The following SKI variants were observed in gnomAD, a reference collection of about 807,000 sequenced individuals.
SKI encodes ski oncogene.
In SKI, 23 loss-of-function variants were observed where a neutral mutation model predicts 59.3. The ratio of observed to expected loss-of-function variants is 0.39; its 90% CI spans 0.28 to 0.55. SKI has a LOEUF of 0.55. SKI is among the 20% of genes least tolerant of loss of function. SKI has a pLI of 0.67. For missense variants in SKI, 1,017 were observed against 1,038.9 expected (o/e 0.98, Z 0.29); for synonymous variants, 673 against 488.6 (o/e 1.38, Z -4.98).
chr1:2,228,924 A>AGGAGGC lies in SKI; in HGVS notation c.161_166dup (p.Glu54_Ala55dup). 1.4e-6 allele frequency: 2 copies of AGGAGGC among 1,390,812 alleles called. No homozygotes were observed. The highest frequency in any genetic ancestry group is 1.9e-6 in the Non-Finnish European group (2 of 1,066,996). 86.2% of individuals were successfully genotyped at this position (1,390,812 alleles called of 1,614,324 possible). A position where few individuals can be genotyped will look rare whatever the true frequency, so the allele number is the denominator to read the frequency against. ...GAGGCCTACAAGAAGGAGAGCGCCA[A>AGGAGGC]GGAGGCGGGCGCGGCCGCGGTGCCG... On this transcript the variant is annotated inframe_insertion, in exon 1 of 7. Coordinates refer to ENST00000378536, the MANE Select transcript of SKI (RefSeq NM_003036.4).
chr1:2,305,593 C>A (rs1286133763), intron 5 of SKI, among the ~76,000 whole-genome samples: 1 of 152,112 alleles, frequency 6.6e-6, no homozygotes, highest in Admixed American at 6.5e-5. Context: ...GGGGGGCTTG[C>A]GGAGGCGCCG....
intron 1 of SKI, among the ~76,000 whole-genome samples, chr1:2,292,960 T>G (rs1640197341): frequency 6.6e-6 from 1 of 152,158 alleles, no homozygotes. Context: ...CCCGTGGACT[T>G]CCTCCAGTCT....
In SKI at chr1:2,228,379, C is replaced by G. The variant is rs1440198692; in HGVS notation, c.-388C>G. Among the ~76,000 whole-genome samples the G allele has an allele frequency of 7.0e-6, 1 of 142,400 alleles. No homozygotes were observed. Among genetic ancestry groups the G allele is most frequent in the African/African-American group, 2.5e-5 (1 of 39,706 alleles). 93.4% of individuals were successfully genotyped at this position (142,400 alleles called of 152,430 possible). ...CGATTCGCGCCTCGCGGCGCCGGCA[C>G]CTGCCCGCGCGCCCCCCGCGAGCCC... On this transcript the variant is annotated 5_prime_UTR_variant, in exon 1 of 7. Transcript: ENST00000378536.
At chr1:2,250,374 T>C (rs577298477) in intron 1 of SKI, among the ~76,000 whole-genome samples, 3 of 152,334 alleles carry the variant, frequency 2.0e-5, no homozygotes, top group African/African-American at 7.2e-5. Flanking sequence ...GGGTGGCCAC[T>C]GCTGCCCAGG....
At chr1:2,275,417 G>A (rs892866490) in intron 1 of SKI, among the ~76,000 whole-genome samples, 1 of 152,254 alleles carries the variant, frequency 6.6e-6, no homozygotes, top group Non-Finnish European at 1.5e-5. Context: ...CGATCTGGGT[G>A]TGGCCTGGCC....
rs1007039882 is a variant in SKI, at chr1:2,308,193, C to T, written c.*1428C>T. 1 of 152,170 alleles carries T rather than the reference C, an allele frequency of 6.6e-6. No individual in the cohort carries two copies. The highest frequency in any genetic ancestry group is 1.5e-5 in the Non-Finnish European group (1 of 68,036). 9.4% of individuals were successfully genotyped at this position (152,170 alleles called of 1,614,324 possible). A position where few individuals can be genotyped will look rare whatever the true frequency, so the allele number is the denominator to read the frequency against. ...CTTACAGGAGTTCTTTGCTTGAATC[C>T]GTTCTAACACCCGCGGCAGCTGCAC... On this transcript the variant is annotated 3_prime_UTR_variant, in exon 7 of 7. Coordinates refer to ENST00000378536, the MANE Select transcript of SKI (RefSeq NM_003036.4).
intron 1 of SKI, among the ~76,000 whole-genome samples, chr1:2,253,743 G>A (rs1266381923): frequency 6.6e-6 from 1 of 152,242 alleles, no homozygotes; most frequent in Non-Finnish European, 1.5e-5. Context: ...GAGGCTGCGG[G>A]TCCCTCGTGC....
chr1:2,304,597 G>T lies in SKI; in HGVS notation c.1767+12G>T. 6.5e-7 allele frequency: 1 copy of T among 1,542,824 alleles called. No homozygotes were observed. Among genetic ancestry groups the T allele is most frequent in the South Asian group, 1.2e-5 (1 of 83,086 alleles). On this transcript the variant is annotated intron_variant, in intron 5 of 6. Transcript: ENST00000378536. ...GCAGCCTCCACCAGGTGAGCGGGGC[G>T]AGTGGTGCTGGGAGGTCCAGGGCAC...
intron 1 of SKI, among the ~76,000 whole-genome samples, chr1:2,257,705 A>C (rs1639302494): frequency 6.6e-6 from 1 of 152,054 alleles, no homozygotes; most frequent in Non-Finnish European, 1.5e-5. Context: ...TGGATTTGCA[A>C]AAGATTTTTA....
chr1:2,228,342 C>G lies in SKI; in HGVS notation c.-425C>G, dbSNP rs1452081505. ...CCGCTCCTCCCGGGCCCCTCGGCCTCGGCCGCCGCGGCGATTCGCGCCTCG... is the reference window on the plus strand; with the variant it reads ...CCGCTCCTCCCGGGCCCCTCGGCCTGGGCCGCCGCGGCGATTCGCGCCTCG... On this transcript the variant is annotated 5_prime_UTR_variant, in exon 1 of 7. Transcript: ENST00000378536. 7.0e-6 allele frequency among the ~76,000 whole-genome samples: 1 copy of G among 142,532 alleles called. No individual in the cohort carries two copies. The highest frequency in any genetic ancestry group is 2.5e-5 in the African/African-American group (1 of 39,778). 93.5% of individuals were successfully genotyped at this position (142,532 alleles called of 152,430 possible). A position where few individuals can be genotyped will look rare whatever the true frequency, so the allele number is the denominator to read the frequency against.
intron 1 of SKI, among the ~76,000 whole-genome samples, chr1:2,252,144 G>A (rs1429634872): frequency 1.3e-5 from 2 of 152,220 alleles, no homozygotes; most frequent in Admixed American, 6.5e-5. Context: ...CAGGTAGGGC[G>A]CTCTTCAGAT....
chr1:2,291,859 A>G (rs1330614534), intron 1 of SKI, among the ~76,000 whole-genome samples: 2 of 152,232 alleles, frequency 1.3e-5, no homozygotes, highest in Non-Finnish European at 2.9e-5. Context: ...CGAAAGAAAA[A>G]TCCGAGTGAA....
chr1:2,271,768 C>T (rs932463581), intron 1 of SKI, among the ~76,000 whole-genome samples: 1 of 151,988 alleles, frequency 6.6e-6, no homozygotes, highest in Non-Finnish European at 1.5e-5. Context: ...TCTGAGCACT[C>T]ATGCAGGCCT....
chr1:2,252,438 C>G (rs954231809), intron 1 of SKI, among the ~76,000 whole-genome samples: 1 of 152,298 alleles, frequency 6.6e-6, no homozygotes, highest in South Asian at 2.1e-4. Context: ...CCGGGTCCCA[C>G]CTGGCACTAA....
intron 1 of SKI, among the ~76,000 whole-genome samples, chr1:2,265,011 C>T (rs933666501): frequency 1.4e-4 from 21 of 152,188 alleles, no homozygotes; most frequent in African/African-American, 4.1e-4. Context: ...GGGGTTTCTC[C>T]GTGTTGGCCA....
At chr1:2,260,252 C>T (rs1229775878) in intron 1 of SKI, among the ~76,000 whole-genome samples, 4 of 152,196 alleles carry the variant, frequency 2.6e-5, no homozygotes, top group Admixed American at 2.6e-4. Context: ...TGCGCTTCCC[C>T]AATCGTTGAG....
chr1:2,240,642 A>G (rs1359456169), intron 1 of SKI: 12 of 985,462 alleles, frequency 1.2e-5, no homozygotes, highest in Non-Finnish European at 1.4e-5. Flanking sequence ...TACAGCATTA[A>G]CAAGAAAACT....
chr1:2,237,378 C>T (rs1009500741), intron 1 of SKI, among the ~76,000 whole-genome samples: 3 of 152,174 alleles, frequency 2.0e-5, no homozygotes, highest in Non-Finnish European at 2.9e-5. Flanking sequence ...GCGGCTGTGC[C>T]GGTGGTTTCC....
chr1:2,301,424 C>T (rs1315107949), intron 1 of SKI, among the ~76,000 whole-genome samples: 3 of 151,578 alleles, frequency 2.0e-5, no homozygotes, highest in East Asian at 3.9e-4. Context: ...CGCCCGAGCA[C>T]TTATCTTTCT....
Sources: allele counts gnomAD v4.1 joint callset (sites outside exome capture counted in the v4.1 genomes callset), GRCh38; gene constraint gnomAD v4.1.1; transcripts MANE v1.5; gene names NCBI Gene and HGNC (gene_info 2026-07-23, HGNC 2026-07-21).